PRKCB: variants seen among roughly 807,000 people sequenced by gnomAD.
PRKCB encodes the protein protein kinase C beta.
In PRKCB, 13 loss-of-function variants were observed where a neutral mutation model predicts 81.5. The observed-to-expected ratio is 0.16, with a 90% confidence interval of 0.10 to 0.25. The LOEUF (loss-of-function observed/expected upper bound fraction) is 0.25, where lower values mean the gene tolerates loss of function less well. PRKCB is among the 10% of genes least tolerant of loss of function. The pLI is 1.00. For missense variants in PRKCB, 509 were observed against 875.7 expected (o/e 0.58, Z 5.29); for synonymous variants, 335 against 321.4 (o/e 1.04, Z -0.45).
intron 7 of PRKCB, among the ~76,000 whole-genome samples, chr16:24,107,136 T>C (rs957878954): frequency 2.0e-5 from 3 of 152,246 alleles, no homozygotes; most frequent in East Asian, 1.9e-4. Context: ...TCAGTGATTA[T>C]ATTTTTCTTC....
intron 3 of PRKCB, among the ~76,000 whole-genome samples, chr16:24,002,671 C>G (rs746948873): frequency 6.6e-6 from 1 of 152,024 alleles, no homozygotes; most frequent in Non-Finnish European, 1.5e-5. Flanking sequence ...TTGTTTGTGT[C>G]ACAGTGGTTA....
At chr16:24,144,131 GAGAGAAAGAGAGA>G (rs1412993164) in intron 9 of PRKCB, among the ~76,000 whole-genome samples, 5 of 150,532 alleles carry the variant, frequency 3.3e-5, no homozygotes, top group African/African-American at 1.2e-4. Context: ...AAGTAGGAGA[GAGAGAAAGAGAGA>G]GAGAGAAAGA....
intron 16 of PRKCB, among the ~76,000 whole-genome samples, chr16:24,207,151 C>T (rs140634910): frequency 1.4e-3 from 209 of 152,284 alleles, no homozygotes; most frequent in African/African-American, 5.0e-3. Flanking sequence ...GCTGGTCTCA[C>T]ACTCCTAGCC....
rs534477252 is a variant in PRKCB at position 24,114,176 on chromosome 16, T to C, written c.918+1107T>C. Among the ~76,000 whole-genome samples, 4 of 147,682 alleles carry C rather than the reference T, an allele frequency of 2.7e-5. No individual in the cohort carries two copies. In the East Asian group the frequency reaches 8.6e-4, roughly 32 times the overall value. ...CTGCAGTGAGCCAAGATTGTGCCAC[T>C]GCATGATCAGTAATGCTCTGTTGCC... On this transcript the variant is annotated intron_variant, in intron 8 of 16. Transcript: ENST00000643927.
chr16:24,143,307 A>G lies in PRKCB; in HGVS notation c.1066-11377A>G, dbSNP rs190062145. ...ACCACCACACCTGGCTAATTTTTGT[A>G]CTTTTAGTAGAGACGGGGTTTCACC... On this transcript the variant is annotated intron_variant, in intron 9 of 16. Transcript: ENST00000643927. 1.8e-3 allele frequency among the ~76,000 whole-genome samples: 281 copies of G among 151,894 alleles called. 1 individual carries two copies. The highest frequency in any genetic ancestry group is 6.4e-3 in the African/African-American group (263 of 41,400).
At chr16:24,080,747 AAAG>A (rs1966239046) in intron 5 of PRKCB, among the ~76,000 whole-genome samples, 2 of 152,382 alleles carry the variant, frequency 1.3e-5, no homozygotes, top group South Asian at 4.1e-4. Context: ...GGTTTAGTTC[AAAG>A]AAGAAGTCTC....
intron 5 of PRKCB, among the ~76,000 whole-genome samples, chr16:24,088,909 G>A (rs1966342381): frequency 6.6e-6 from 1 of 152,062 alleles, no homozygotes; most frequent in Non-Finnish European, 1.5e-5. Context: ...GAGGGGGAGT[G>A]GCCTTGCCAG....
intron 2 of PRKCB, among the ~76,000 whole-genome samples, chr16:23,962,240 C>T (rs1344581013): frequency 6.6e-6 from 1 of 152,136 alleles, no homozygotes; most frequent in African/African-American, 2.4e-5. Flanking sequence ...AGACCTGAAA[C>T]TCAGTGTGCC....
intron 2 of PRKCB, among the ~76,000 whole-genome samples, chr16:23,987,866 A>G (rs111277993): frequency 1.6e-4 from 25 of 152,360 alleles, no homozygotes; most frequent in Middle Eastern, 3.4e-3. Context: ...CCAGAGGGAT[A>G]TAACCTCCAA....
rs530764764 is a variant in PRKCB at position 24,113,534 on chromosome 16, C to T, written c.918+465C>T. On this transcript the variant is annotated intron_variant, in intron 8 of 16. Coordinates refer to ENST00000643927, the MANE Select transcript of PRKCB (RefSeq NM_002738.7). The stretch of plus-strand genomic sequence containing the variant: ...CTTTCCCTCCTTCCTCCCTCCCTCC[C>T]CCCTTTCCTTTCTTTCTTCCTCCTT... Among the ~76,000 whole-genome samples the T allele has an allele frequency of 3.4e-5, 5 of 148,582 alleles. No homozygotes were observed. In the East Asian group the frequency reaches 1.0e-3, roughly 30 times the overall value.
chr16:24,035,680 C>T (rs1176949765), intron 5 of PRKCB, 133 bp downstream of exon 5: 10 of 1,044,602 alleles, frequency 9.6e-6, no homozygotes, highest in African/African-American at 1.6e-5. Flanking sequence ...GGGTGTGGCA[C>T]TGCTTCTGCC....
rs869265824 is a variant in PRKCB, at chr16:24,219,655, AACACACACACACAC to A, written c.*4874_*4887del. The A allele has an allele frequency of 1.2e-4, 90 of 742,604 alleles. No individual in the cohort carries two copies. Among genetic ancestry groups the A allele is most frequent in the East Asian group, 6.4e-4 (6 of 9,380 alleles). The allele number at this position is 742,604 out of a possible 1,614,324, so 46.0% of individuals were successfully genotyped here. A position where few individuals can be genotyped will look rare whatever the true frequency, so the allele number is the denominator to read the frequency against. On this transcript the variant is annotated 3_prime_UTR_variant, in exon 17 of 17. Transcript: ENST00000643927. ...ATCCTAAAGCCAAAGAAAATACAGCAACACACACACACACACACACACACACACACACACACACA... is the reference window on the plus strand; with the variant it reads ...ATCCTAAAGCCAAAGAAAATACAGCAACACACACACACACACACACACACA...
intron 9 of PRKCB, among the ~76,000 whole-genome samples, chr16:24,138,095 T>G (rs1596564859): frequency 6.6e-6 from 1 of 152,340 alleles, no homozygotes; most frequent in East Asian, 1.9e-4. Flanking sequence ...ATTTTGCAGA[T>G]GAGGGAATAG....
intron 2 of PRKCB, among the ~76,000 whole-genome samples, chr16:23,977,519 A>G (rs1227193641): frequency 6.6e-6 from 1 of 152,184 alleles, no homozygotes; most frequent in Non-Finnish European, 1.5e-5. Context: ...TATATGGGCA[A>G]AACAGCAGGG....
chr16:24,176,623 T>C (rs1052145190), intron 12 of PRKCB, among the ~76,000 whole-genome samples: 1 of 152,196 alleles, frequency 6.6e-6, no homozygotes, highest in African/African-American at 2.4e-5. Flanking sequence ...CTGGGCGCAG[T>C]GGCTCATGCC....
Position 24,158,610 on chromosome 16 carries a change from GTGTGTGTGTATGTGTA to G in PRKCB, c.1239+3781_1239+3796del, listed in dbSNP as rs1173508580. On this transcript the variant is annotated intron_variant, in intron 10 of 16. Coordinates refer to ENST00000643927, the MANE Select transcript of PRKCB (RefSeq NM_002738.7). ...TATATGTATATGTGTGTGTATGTGT[GTGTGTGTGTATGTGTA>G]TGTGTGTGTATGTGTATGTGTGTGT... Among the ~76,000 whole-genome samples the G allele has an allele frequency of 3.5e-3, 534 of 151,432 alleles. 4 individuals are homozygous for G. The highest frequency in any genetic ancestry group is 0.012 in the African/African-American group (499 of 41,270).
intron 2 of PRKCB, among the ~76,000 whole-genome samples, chr16:23,841,649 C>CTTTTTTTTTT (rs59288831): frequency 3.4e-5 from 2 of 59,046 alleles, no homozygotes; most frequent in African/African-American, 7.3e-5. Context: ...CACCACGGCC[C>CTTTTTTTTTT]TTTTTTTTTT....
intron 10 of PRKCB, among the ~76,000 whole-genome samples, chr16:24,161,009 C>T (rs1967246050): frequency 1.3e-5 from 2 of 151,302 alleles, no homozygotes; most frequent in Admixed American, 1.3e-4. Context: ...GAATCAGCTA[C>T]CTTTAAAAAA....
Position 24,107,147 on chromosome 16 carries a change from C to T in PRKCB, c.822-5826C>T, listed in dbSNP as rs146557049. Among the ~76,000 whole-genome samples, 414 of 152,232 alleles carry T rather than the reference C, an allele frequency of 2.7e-3. 2 individuals carry two copies. The highest frequency in any genetic ancestry group is 9.4e-3 in the African/African-American group (391 of 41,522). On this transcript the variant is annotated intron_variant, in intron 7 of 16. Coordinates refer to ENST00000643927, the MANE Select transcript of PRKCB (RefSeq NM_002738.7). ...TAATTCAGTGATTATATTTTTCTTCCGAAAGTAGTCTTTCCCACTCTCGTA... is the reference window on the plus strand; with the variant it reads ...TAATTCAGTGATTATATTTTTCTTCTGAAAGTAGTCTTTCCCACTCTCGTA...
Sources: allele counts gnomAD v4.1 joint callset (sites outside exome capture counted in the v4.1 genomes callset), GRCh38; gene constraint gnomAD v4.1.1; transcripts MANE v1.5; gene names NCBI Gene and HGNC (gene_info 2026-07-23, HGNC 2026-07-21).